GABRG3: variants seen among roughly 807,000 people sequenced by gnomAD.
GABRG3 encodes the protein gamma-aminobutyric acid receptor subunit gamma-3.
In GABRG3, 25 loss-of-function variants were observed where a neutral mutation model predicts 48.8. That is an observed-to-expected ratio of 0.51 (90% CI 0.37 to 0.72). GABRG3 has a LOEUF of 0.72. Among genes scored for constraint, GABRG3 ranks in the 30% least tolerant of loss-of-function variants. The pLI is 0.00. For synonymous variants in GABRG3, 227 were observed against 217.6 expected, an observed-to-expected ratio of 1.04 and a Z score of -0.38; for missense variants, 394 against 577.9, an observed-to-expected ratio of 0.68 and a Z score of 3.26.
intron 5 of GABRG3, among the ~76,000 whole-genome samples, chr15:27,467,346 G>C (rs1048876957): frequency 1.3e-5 from 2 of 152,174 alleles, no homozygotes; most frequent in African/African-American, 4.8e-5. Context: ...GAATTTGTGG[G>C]GGGGACACAG....
chr15:27,342,084 C>G (rs1301998493), intron 5 of GABRG3, among the ~76,000 whole-genome samples: 1 of 152,184 alleles, frequency 6.6e-6, no homozygotes, highest in Non-Finnish European at 1.5e-5. Context: ...TGTCAGAGTC[C>G]TGCCACTGCC....
chr15:27,528,977 T>A (rs1272827702), intron 9 of GABRG3, among the ~76,000 whole-genome samples: 1 of 152,226 alleles, frequency 6.6e-6, no homozygotes, highest in Non-Finnish European at 1.5e-5. Context: ...ATGTGTATTA[T>A]TTTGTTTCAT....
chr15:27,197,213 C>T (rs1026467645), intron 3 of GABRG3, among the ~76,000 whole-genome samples: 14 of 152,162 alleles, frequency 9.2e-5, no homozygotes, highest in Non-Finnish European at 1.3e-4. Context: ...ATGGATTTAT[C>T]GGGACATATC....
chr15:27,530,088 C>T (rs752481296), intron 9 of GABRG3, among the ~76,000 whole-genome samples: 5 of 152,054 alleles, frequency 3.3e-5, no homozygotes, highest in Non-Finnish European at 5.9e-5. Context: ...AAGGAGCCAC[C>T]GTTACCAATA....
chr15:27,046,682 A>C (rs990503818), intron 3 of GABRG3, among the ~76,000 whole-genome samples: 7 of 152,210 alleles, frequency 4.6e-5, no homozygotes, highest in Non-Finnish European at 1.0e-4. Flanking sequence ...AAGTCACAGC[A>C]TGTTGGTGTT....
At chr15:27,327,387 G>T (rs28697259) in intron 4 of GABRG3, among the ~76,000 whole-genome samples, 15,232 of 152,178 alleles carry the variant, frequency 0.1, 1,884 homozygotes, top group African/African-American at 0.29. Flanking sequence ...AGGAAGAGGG[G>T]CAGAGTCAGC....
intron 5 of GABRG3, among the ~76,000 whole-genome samples, chr15:27,429,549 A>G (rs187334696): frequency 1.3e-5 from 2 of 152,320 alleles, no homozygotes; most frequent in East Asian, 3.9e-4. Context: ...TCATCACCCT[A>G]AAAATAAGCC....
At chr15:27,164,316 A>G (rs985463251) in intron 3 of GABRG3, among the ~76,000 whole-genome samples, 1 of 152,226 alleles carries the variant, frequency 6.6e-6, no homozygotes, top group African/African-American at 2.4e-5. Context: ...GTACCACCTA[A>G]GAATGAAAAC....
At chr15:27,280,752 G>A (rs148196403) in intron 3 of GABRG3, among the ~76,000 whole-genome samples, 6 of 152,042 alleles carry the variant, frequency 3.9e-5, no homozygotes, top group Admixed American at 6.6e-5. Flanking sequence ...TCTAGGATAC[G>A]GTTTATGTGG....
chr15:27,125,867 A>G (rs1372823191), intron 3 of GABRG3, among the ~76,000 whole-genome samples: 1 of 152,246 alleles, frequency 6.6e-6, no homozygotes, highest in Non-Finnish European at 1.5e-5. Flanking sequence ...GGACTATTGC[A>G]AACACCAAAT....
Position 27,405,394 on chromosome 15 carries a change from G to A in GABRG3, c.575-75256G>A, listed in dbSNP as rs527685394. Reference sequence around the variant, plus strand: ...AAAAATGAGATGACATGTCATGCATGTTAGATTGGAAACATTTTGAAGATC... The same window carrying A: ...AAAAATGAGATGACATGTCATGCATATTAGATTGGAAACATTTTGAAGATC... On this transcript the variant is annotated intron_variant, in intron 5 of 9. Transcript: ENST00000615808. Among the ~76,000 whole-genome samples, 5 of 152,306 alleles carry A rather than the reference G, an allele frequency of 3.3e-5. No individual in the cohort carries two copies. The South Asian group carries it at 1.0e-3, about 32-fold the overall frequency.
At chr15:27,528,076 G>A in intron 9 of GABRG3, 84 bp downstream of exon 9, 2 of 1,000,204 alleles carry the variant, frequency 2.0e-6, no homozygotes, top group Admixed American at 2.0e-5. Context: ...TGCTGTTGAT[G>A]CATGCATGTA....
At chr15:27,242,192 T>A (rs1890146789) in intron 3 of GABRG3, among the ~76,000 whole-genome samples, 1 of 152,166 alleles carries the variant, frequency 6.6e-6, no homozygotes, top group South Asian at 2.1e-4. Context: ...CAGTAAGCAA[T>A]CTTTTTAGCA....
chr15:27,540,571 A>C lies in GABRG3; in HGVS notation c.*7690A>C, dbSNP rs747552364. The C allele has an allele frequency of 2.0e-4, 31 of 152,212 alleles. No individual in the cohort carries two copies. Among genetic ancestry groups the C allele is most frequent in the African/African-American group, 7.5e-4 (31 of 41,446 alleles). The allele number at this position is 152,212 out of a possible 1,614,324, so 9.4% of individuals were successfully genotyped here. A position where few individuals can be genotyped will look rare whatever the true frequency, so the allele number is the denominator to read the frequency against. ...TCTGTTTAGAATAACTATTTTATTA[A>C]AACAGTCTAAAAGACACTGTCCATC... On this transcript the variant is annotated 3_prime_UTR_variant, in exon 10 of 10. Coordinates refer to ENST00000615808, the MANE Select transcript of GABRG3 (RefSeq NM_033223.5).
At chr15:27,029,749 G>C (rs967519441) in intron 3 of GABRG3, among the ~76,000 whole-genome samples, 1 of 152,112 alleles carries the variant, frequency 6.6e-6, no homozygotes, top group Non-Finnish European at 1.5e-5. Context: ...GTGGAGGTAG[G>C]TTCCCTTCTA....
At chr15:27,119,336 T>C (rs999760867) in intron 3 of GABRG3, among the ~76,000 whole-genome samples, 44 of 152,348 alleles carry the variant, frequency 2.9e-4, no homozygotes, top group African/African-American at 1.0e-3. Flanking sequence ...TTGTATGTTT[T>C]TCTTGATAAT....
chr15:27,381,798 T>A (rs937538674), intron 5 of GABRG3, among the ~76,000 whole-genome samples: 8 of 152,198 alleles, frequency 5.3e-5, no homozygotes, highest in Non-Finnish European at 1.2e-4. Context: ...AGCTGGTGAT[T>A]TCAGCTTTTT....
chr15:27,522,765 T>G (rs1891189108), intron 7 of GABRG3, among the ~76,000 whole-genome samples: 1 of 151,740 alleles, frequency 6.6e-6, no homozygotes, highest in Non-Finnish European at 1.5e-5. Context: ...GACAAAACAT[T>G]CATAAATGTG....
chr15:27,233,321 G>C (rs1473175669), intron 3 of GABRG3, among the ~76,000 whole-genome samples: 1 of 152,084 alleles, frequency 6.6e-6, no homozygotes, highest in African/African-American at 2.4e-5. Flanking sequence ...GTGGACAAGG[G>C]TGTCTGTCTT....
Sources: gnomAD v4.1 joint callset for allele counts (sites outside exome capture counted in the v4.1 genomes callset) on GRCh38, gnomAD v4.1.1 for gene constraint, MANE v1.5 for transcripts, NCBI Gene and HGNC (gene_info 2026-07-23, HGNC 2026-07-21) for gene names.